The following RYK variants were observed in gnomAD, a reference collection of about 807,000 sequenced individuals.
RYK encodes the protein inactive tyrosine-protein kinase RYK.
A neutral mutation model predicts 70.2 loss-of-function variants in RYK; 21 were observed. That is an observed-to-expected ratio of 0.30 (90% CI 0.21 to 0.43). RYK has a LOEUF of 0.43. RYK is among the 20% of genes least tolerant of loss of function. The probability of loss-of-function intolerance (pLI) is 1.00; values close to 1 mark genes in which losing one functional copy is unlikely to be tolerated. For synonymous variants in RYK, 267 were observed against 278.0 expected (o/e 0.96, Z 0.39); for missense variants, 604 against 753.3 (o/e 0.80, Z 2.32).
intron 1 of RYK, among the ~76,000 whole-genome samples, chr3:134,250,159 G>C (rs6796675): frequency 0.024 from 3,598 of 152,178 alleles, 134 homozygotes; most frequent in African/African-American, 0.082. Flanking sequence ...GAGGCAGTGA[G>C]GAGGATGGGA....
chr3:134,190,554 G>GT (rs1429288585), intron 8 of RYK, among the ~76,000 whole-genome samples: 3 of 150,198 alleles, frequency 2.0e-5, no homozygotes, highest in African/African-American at 7.3e-5. Flanking sequence ...ACAAACTAAC[G>GT]TAAAAAAAAA....
intron 14 of RYK, among the ~76,000 whole-genome samples, chr3:134,158,722 C>A (rs1418460825): frequency 2.0e-5 from 3 of 152,104 alleles, no homozygotes; most frequent in Non-Finnish European, 2.9e-5. Flanking sequence ...GATCAATCAC[C>A]CTGCATAGCC....
chr3:134,230,950 AG>A (rs1440618044), intron 1 of RYK, among the ~76,000 whole-genome samples: 3 of 151,952 alleles, frequency 2.0e-5, no homozygotes, highest in African/African-American at 7.3e-5. Flanking sequence ...AAAAAGTTTT[AG>A]AAAAAATTAA....
chr3:134,171,281 C>T (rs1203089034), intron 13 of RYK, among the ~76,000 whole-genome samples: 1 of 152,162 alleles, frequency 6.6e-6, no homozygotes, highest in Non-Finnish European at 1.5e-5. Context: ...ATGTCATAAC[C>T]ATAAAAATAA....
rs1300126758 is a variant in RYK, at chr3:134,158,222, C to A, written c.1755G>T (p.Glu585Asp). 2 of 1,577,648 alleles carry A rather than the reference C, an allele frequency of 1.3e-6. No individual in the cohort carries two copies. Among genetic ancestry groups the A allele is most frequent in the East Asian group, 2.3e-5 (1 of 43,312 alleles). ...GTACCAGCTGCTGAAACTTGGGCCTCTCCTCTGGATCTAAGGCCCAGCAAC... is the reference window on the plus strand; with the variant it reads ...GTACCAGCTGCTGAAACTTGGGCCTATCCTCTGGATCTAAGGCCCAGCAAC... ...MACCWALDPE[E>D]RPKFQQLVQC... Residue 585 changes from glutamate to aspartate, a missense_variant, in exon 15 of 15, where the codon GAG becomes GAT. Coordinates refer to ENST00000623711, the MANE Select transcript of RYK (RefSeq NM_002958.4).
intron 9 of RYK, chr3:134,183,386 G>A (rs180745451): frequency 3.6e-5 from 6 of 167,210 alleles, no homozygotes; most frequent in Admixed American, 1.3e-4. Context: ...TATTTAAATA[G>A]CTCATATAAA....
At chr3:134,173,839 C>T (rs914984284) in intron 13 of RYK, among the ~76,000 whole-genome samples, 7 of 152,142 alleles carry the variant, frequency 4.6e-5, no homozygotes, top group African/African-American at 7.2e-5. Flanking sequence ...AAATTATTCT[C>T]ATTTTAAGGA....
chr3:134,175,008 A>G (rs543226396), intron 13 of RYK, among the ~76,000 whole-genome samples: 2 of 152,336 alleles, frequency 1.3e-5, no homozygotes, highest in East Asian at 1.9e-4. Flanking sequence ...TCACCTTTAA[A>G]ACTGGGATAC....
chr3:134,185,513 T>C (rs1348867295), intron 9 of RYK, among the ~76,000 whole-genome samples: 2 of 152,240 alleles, frequency 1.3e-5, no homozygotes, highest in Non-Finnish European at 2.9e-5. Context: ...GCCAAGGATC[T>C]GAAACATTCG....
intron 14 of RYK, 140 bp downstream of exon 14, chr3:134,159,097 A>G (rs887063029): frequency 2.2e-6 from 2 of 909,796 alleles, no homozygotes; most frequent in Non-Finnish European, 1.7e-6. Flanking sequence ...GTGGTTTTTT[A>G]TAAGAGTCTA....
intron 2 of RYK, among the ~76,000 whole-genome samples, chr3:134,221,190 CTTTT>C (rs1247829212): frequency 6.9e-5 from 7 of 101,304 alleles, no homozygotes; most frequent in African/African-American, 8.8e-5. Context: ...CTTAACAGTT[CTTTT>C]TCTTTTTTTT....
chr3:134,183,738 A>G (rs915025329), intron 9 of RYK, among the ~76,000 whole-genome samples: 4 of 152,224 alleles, frequency 2.6e-5, no homozygotes, highest in African/African-American at 7.2e-5. Context: ...TCATCTATGT[A>G]CAATGTAATA....
intron 5 of RYK, among the ~76,000 whole-genome samples, chr3:134,206,230 A>G (rs570498470): frequency 6.6e-6 from 1 of 152,344 alleles, no homozygotes; most frequent in African/African-American, 2.4e-5. Context: ...AAGACAAAAT[A>G]GGCAGCACAG....
At chr3:134,212,473 T>C (rs1215345406) in intron 2 of RYK, among the ~76,000 whole-genome samples, 2 of 152,186 alleles carry the variant, frequency 1.3e-5, no homozygotes, top group African/African-American at 2.4e-5. Flanking sequence ...CCTCTCTCAT[T>C]CAGTGGTCAC....
intron 6 of RYK, among the ~76,000 whole-genome samples, chr3:134,200,479 ACACT>A (rs2013978714): frequency 6.6e-6 from 1 of 152,188 alleles, no homozygotes; most frequent in South Asian, 2.1e-4. Context: ...AAGAACTGTA[ACACT>A]CACCGCGAGA....
chr3:134,247,179 G>A (rs1458503070), intron 1 of RYK, among the ~76,000 whole-genome samples: 1 of 152,088 alleles, frequency 6.6e-6, no homozygotes, highest in Non-Finnish European at 1.5e-5. Flanking sequence ...TGTAAATACT[G>A]CTATTTTTAC....
chr3:134,164,410 C>T (rs956179723), intron 13 of RYK, among the ~76,000 whole-genome samples: 1 of 152,140 alleles, frequency 6.6e-6, no homozygotes, highest in Non-Finnish European at 1.5e-5. Flanking sequence ...TTTCCTTCCA[C>T]CCCTCCCTAC....
chr3:134,202,632 T>A, intron 6 of RYK, 98 bp downstream of exon 6: 2 of 988,070 alleles, frequency 2.0e-6, no homozygotes, highest in Admixed American at 6.4e-5. Context: ...TCATCCTCCC[T>A]CCTTTCCCTG....
chr3:134,165,686 G>A (rs2012642078), intron 13 of RYK, among the ~76,000 whole-genome samples: 1 of 152,196 alleles, frequency 6.6e-6, no homozygotes, highest in Non-Finnish European at 1.5e-5. Context: ...GACCTGAAAA[G>A]CAGAGTACGA....
Sources: allele counts gnomAD v4.1 joint callset (sites outside exome capture counted in the v4.1 genomes callset), GRCh38; gene constraint gnomAD v4.1.1; transcripts MANE v1.5; gene names NCBI Gene and HGNC (gene_info 2026-07-23, HGNC 2026-07-21).